The following CDH13 variants were observed in gnomAD, a reference collection of about 807,000 sequenced individuals.
CDH13 encodes cadherin-13.
CDH13 carries 24 observed loss-of-function variants against 63.8 expected under a neutral mutation model. The ratio of observed to expected loss-of-function variants is 0.38; its 90% CI spans 0.27 to 0.53. The LOEUF (loss-of-function observed/expected upper bound fraction) is 0.53. CDH13 is among the 20% of genes least tolerant of loss of function. The pLI, the probability that CDH13 is intolerant of heterozygous loss-of-function variation, is 0.85. For missense variants in CDH13, 1,049 were observed against 903.1 expected, an observed-to-expected ratio of 1.16 and a Z score of -2.07; for synonymous variants, 503 against 355.3, an observed-to-expected ratio of 1.42 and a Z score of -4.67.
chr16:82,859,244 A>G (rs1488706844), intron 2 of CDH13: 1 of 152,246 alleles, frequency 6.6e-6, no homozygotes, highest in Non-Finnish European at 1.5e-5. Flanking sequence ...AATGAAGAAT[A>G]TGGAAACAAC....
intron 5 of CDH13, among the ~76,000 whole-genome samples, chr16:83,282,464 C>A (rs542576316): frequency 5.9e-5 from 9 of 152,192 alleles, no homozygotes; most frequent in African/African-American, 1.9e-4. Context: ...AAAAATGTAA[C>A]GTTGGACCAG....
intron 6 of CDH13, among the ~76,000 whole-genome samples, chr16:83,462,569 G>A (rs1254081088): frequency 6.6e-6 from 1 of 152,156 alleles, no homozygotes; most frequent in African/African-American, 2.4e-5. Flanking sequence ...TGGCCAACAT[G>A]GTGAAACCCC....
At chr16:83,680,905 G>A (rs1437507198) in intron 10 of CDH13, among the ~76,000 whole-genome samples, 1 of 151,936 alleles carries the variant, frequency 6.6e-6, no homozygotes, top group African/African-American at 2.4e-5. Context: ...CTCTATATCT[G>A]GCTCTGCTCT....
At chr16:83,590,999 C>T (rs1007142923) in intron 7 of CDH13, among the ~76,000 whole-genome samples, 10 of 149,508 alleles carry the variant, frequency 6.7e-5, no homozygotes, top group Non-Finnish European at 1.0e-4. Flanking sequence ...CAATCTCCAC[C>T]TTCTGGTTTC....
chr16:83,310,198 T>C (rs907820772), intron 5 of CDH13, among the ~76,000 whole-genome samples: 5 of 152,170 alleles, frequency 3.3e-5, no homozygotes, highest in Non-Finnish European at 7.3e-5. Flanking sequence ...CTTGTGAAAG[T>C]CATTTTGAAA....
intron 4 of CDH13, among the ~76,000 whole-genome samples, chr16:83,176,063 T>C (rs1437342059): frequency 6.6e-6 from 1 of 150,432 alleles, no homozygotes; most frequent in African/African-American, 2.4e-5. Context: ...TAGGTCAGGC[T>C]GGTCTTGAAA....
At chr16:82,744,713 G>C (rs1340707200) in intron 1 of CDH13, among the ~76,000 whole-genome samples, 1 of 152,182 alleles carries the variant, frequency 6.6e-6, no homozygotes, top group Non-Finnish European at 1.5e-5. Flanking sequence ...AGGCACTGCA[G>C]TGAATACTTC....
At chr16:82,763,683 A>G (rs1414457963) in intron 1 of CDH13, among the ~76,000 whole-genome samples, 2 of 152,094 alleles carry the variant, frequency 1.3e-5, no homozygotes, top group Admixed American at 6.6e-5. Flanking sequence ...TTTTATTTTT[A>G]TTACTCACGT....
intron 5 of CDH13, among the ~76,000 whole-genome samples, chr16:83,309,063 C>T (rs1014458257): frequency 2.0e-5 from 3 of 152,196 alleles, no homozygotes; most frequent in African/African-American, 4.8e-5. Flanking sequence ...CCACTCCTTA[C>T]TGTGGCTTGG....
chr16:82,937,460 C>T lies in CDH13; in HGVS notation c.157+78987C>T, dbSNP rs765408992. On this transcript the variant is annotated intron_variant, in intron 2 of 13. Transcript: ENST00000567109. ...ACAGACACACACACACACACACACA[C>T]AGTCTAGCTGAATCACGAATTCCGT... Among the ~76,000 whole-genome samples the T allele has an allele frequency of 5.7e-4, 86 of 152,136 alleles. 2 individuals carry two copies. Among genetic ancestry groups the T allele is most frequent in the South Asian group, 1.0e-3 (5 of 4,818 alleles).
intron 8 of CDH13, 124 bp from the exon 9 acceptor site, chr16:83,670,666 A>G (rs1376627709): frequency 4.5e-6 from 4 of 897,440 alleles, no homozygotes; most frequent in Non-Finnish European, 5.2e-6. Context: ...TTCCAACCGT[A>G]ATCCTCTTAT....
At chr16:83,627,139 A>G (rs556764103) in intron 8 of CDH13, among the ~76,000 whole-genome samples, 1 of 151,302 alleles carries the variant, frequency 6.6e-6, no homozygotes, top group African/African-American at 2.4e-5. Context: ...AAAAAAAAAA[A>G]ATGAGCTGAG....
At chr16:83,204,680 A>T (rs2039131357) in intron 4 of CDH13, among the ~76,000 whole-genome samples, 1 of 152,182 alleles carries the variant, frequency 6.6e-6, no homozygotes, top group African/African-American at 2.4e-5. Flanking sequence ...TGTGTTAATC[A>T]GGATAGGTTA....
At chr16:82,925,938 T>G (rs1038279753) in intron 2 of CDH13, 1 of 152,114 alleles carries the variant, frequency 6.6e-6, no homozygotes. Flanking sequence ...TTTCCCATTT[T>G]AAAAAATTCA....
intron 10 of CDH13, among the ~76,000 whole-genome samples, chr16:83,716,786 C>G (rs1002218048): frequency 1.3e-5 from 2 of 152,318 alleles, no homozygotes; most frequent in African/African-American, 4.8e-5. Flanking sequence ...CCGCCCTGGC[C>G]TCTTTAATGA....
At chr16:83,366,176 C>T (rs1328819740) in intron 6 of CDH13, among the ~76,000 whole-genome samples, 2 of 152,196 alleles carry the variant, frequency 1.3e-5, no homozygotes, top group Non-Finnish European at 2.9e-5. Flanking sequence ...CACACACATT[C>T]ATAAACTGTT....
intron 1 of CDH13, among the ~76,000 whole-genome samples, chr16:82,739,917 A>T (rs1364693989): frequency 6.6e-6 from 1 of 152,228 alleles, no homozygotes; most frequent in Non-Finnish European, 1.5e-5. Flanking sequence ...TTGGCTACCT[A>T]TGAAATTATG....
intron 10 of CDH13, among the ~76,000 whole-genome samples, chr16:83,743,581 A>C (rs926709755): frequency 3.3e-5 from 5 of 152,156 alleles, no homozygotes; most frequent in African/African-American, 1.2e-4. Flanking sequence ...TGAAAGCCAA[A>C]TTTATTTAAT....
intron 6 of CDH13, among the ~76,000 whole-genome samples, chr16:83,357,133 A>G (rs1036409024): frequency 5.9e-5 from 9 of 152,136 alleles, no homozygotes; most frequent in Non-Finnish European, 1.2e-4. Context: ...TTTCAGAATG[A>G]TGGAGGACCT....
Sources: allele counts gnomAD v4.1 joint callset (sites outside exome capture counted in the v4.1 genomes callset), GRCh38; gene constraint gnomAD v4.1.1; transcripts MANE v1.5; gene names NCBI Gene and HGNC (gene_info 2026-07-23, HGNC 2026-07-21).